Variants in NKAIN3 observed in about 807,000 individuals in gnomAD.
The protein encoded by NKAIN3 is sodium/potassium transporting ATPase interacting 3, also known as sodium/potassium-transporting ATPase subunit beta-1-interacting protein 3.
A neutral mutation model predicts 30.2 loss-of-function variants in NKAIN3; 25 were observed. That is an observed-to-expected ratio of 0.83 (90% CI 0.60 to 1.16). The LOEUF is 1.16. Among genes scored for constraint, NKAIN3 ranks in the 50% most tolerant of loss-of-function variants. The pLI is 0.00. For synonymous variants in NKAIN3, 91 were observed against 89.6 expected (o/e 1.02, Z -0.09); for missense variants, 225 against 254.1 (o/e 0.89, Z 0.78).
intron 3 of NKAIN3, among the ~76,000 whole-genome samples, chr8:62,740,952 C>A (rs1586149738): frequency 6.6e-6 from 1 of 151,250 alleles, no homozygotes; most frequent in South Asian, 2.1e-4. Context: ...TTATCAGGTG[C>A]TTTTTCTTTT....
chr8:62,655,712 G>A (rs188113072), intron 3 of NKAIN3, among the ~76,000 whole-genome samples: 1 of 152,192 alleles, frequency 6.6e-6, no homozygotes, highest in African/African-American at 2.4e-5. Context: ...TGCCCATTTT[G>A]GGCATCCAGT....
intron 4 of NKAIN3, among the ~76,000 whole-genome samples, chr8:62,851,252 CTGTT>C (rs1819887108): frequency 1.3e-5 from 2 of 152,096 alleles, no homozygotes; most frequent in South Asian, 2.1e-4. Context: ...ATTTGGCTCT[CTGTT>C]TGTCTGTTAT....
intron 1 of NKAIN3, among the ~76,000 whole-genome samples, chr8:62,331,278 G>A (rs1761496042): frequency 6.6e-6 from 1 of 151,362 alleles, no homozygotes; most frequent in South Asian, 2.1e-4. Context: ...ACTCCTACAT[G>A]TTAGGAGTTA....
rs1392701212 is a variant in NKAIN3 at position 62,972,876 on chromosome 8, C to G, written c.*7469C>G. Among the ~76,000 whole-genome samples, 4 of 150,716 alleles carry G rather than the reference C, an allele frequency of 2.7e-5. No individual in the cohort carries two copies. Among genetic ancestry groups the G allele is most frequent in the Admixed American group, 6.6e-5 (1 of 15,126 alleles). ...GTGTGTGATGTTCCCCTCCCTGTGC[C>G]CATATGTTCTCATTGTTCAACTCCC... On this transcript the variant is annotated 3_prime_UTR_variant, in exon 7 of 7. Coordinates refer to ENST00000623646, the MANE Select transcript of NKAIN3 (RefSeq NM_001304533.3).
intron 1 of NKAIN3, among the ~76,000 whole-genome samples, chr8:62,548,304 A>G (rs541137191): frequency 1.3e-5 from 2 of 152,386 alleles, no homozygotes; most frequent in African/African-American, 4.8e-5. Flanking sequence ...CATTTTACTG[A>G]ACAAGAGATA....
chr8:62,741,824 A>G (rs1323453597), intron 3 of NKAIN3, among the ~76,000 whole-genome samples: 1 of 152,122 alleles, frequency 6.6e-6, no homozygotes, highest in Non-Finnish European at 1.5e-5. Context: ...TCTCAGGCCC[A>G]GCTAAAAACT....
At chr8:62,960,186 A>C (rs1044972280) in intron 6 of NKAIN3, among the ~76,000 whole-genome samples, 2 of 152,218 alleles carry the variant, frequency 1.3e-5, no homozygotes, top group Non-Finnish European at 2.9e-5. Flanking sequence ...TTAGGACGGA[A>C]TGATGCCAAG....
intron 4 of NKAIN3, among the ~76,000 whole-genome samples, chr8:62,799,642 C>T (rs1168574464): frequency 6.6e-6 from 1 of 152,120 alleles, no homozygotes; most frequent in Non-Finnish European, 1.5e-5. Flanking sequence ...TGTGGAGATT[C>T]CTTAAAGAAC....
intron 1 of NKAIN3, among the ~76,000 whole-genome samples, chr8:62,382,073 G>A (rs1817296465): frequency 6.6e-6 from 1 of 152,030 alleles, no homozygotes; most frequent in African/African-American, 2.4e-5. Flanking sequence ...CTGACACCAT[G>A]CACAGTTGAA....
chr8:62,822,729 G>A (rs867817401), intron 4 of NKAIN3, among the ~76,000 whole-genome samples: 13 of 152,106 alleles, frequency 8.5e-5, no homozygotes, highest in Admixed American at 5.2e-4. Context: ...TCCTTTTGCC[G>A]AAGGTGTTTG....
At chr8:62,833,810 C>T (rs1453901044) in intron 4 of NKAIN3, among the ~76,000 whole-genome samples, 1 of 151,944 alleles carries the variant, frequency 6.6e-6, no homozygotes, top group Non-Finnish European at 1.5e-5. Flanking sequence ...AGGGACTCCT[C>T]CCTAACTCAT....
intron 1 of NKAIN3, among the ~76,000 whole-genome samples, chr8:62,255,466 A>G (rs1038214901): frequency 7.9e-5 from 12 of 152,086 alleles, no homozygotes; most frequent in Admixed American, 2.6e-4. Context: ...TGACACCTGG[A>G]TTTTGGATTT....
intron 4 of NKAIN3, chr8:62,863,639 T>C: frequency 1.6e-6 from 2 of 1,249,766 alleles, no homozygotes; most frequent in Admixed American, 1.7e-5. Flanking sequence ...TTTGTTTGGG[T>C]CACTGGGATA....
intron 3 of NKAIN3, among the ~76,000 whole-genome samples, chr8:62,619,280 C>G (rs1329723287): frequency 6.6e-6 from 1 of 152,114 alleles, no homozygotes; most frequent in African/African-American, 2.4e-5. Flanking sequence ...GAAAATGTGA[C>G]CAGCATTTAA....
intron 3 of NKAIN3, among the ~76,000 whole-genome samples, chr8:62,673,094 C>T (rs538152538): frequency 2.6e-5 from 4 of 152,090 alleles, no homozygotes; most frequent in African/African-American, 4.8e-5. Flanking sequence ...CAAGGTCCAA[C>T]GGTTAGTAAA....
chr8:62,556,792 A>G (rs953363533), intron 1 of NKAIN3, among the ~76,000 whole-genome samples: 11 of 151,972 alleles, frequency 7.2e-5, no homozygotes, highest in Non-Finnish European at 1.5e-4. Flanking sequence ...TAAAGCAAAA[A>G]TCTTAAGAGC....
intron 1 of NKAIN3, among the ~76,000 whole-genome samples, chr8:62,577,180 T>G (rs1222774190): frequency 1.3e-5 from 2 of 152,110 alleles, no homozygotes; most frequent in African/African-American, 2.4e-5. Context: ...TCATGACTTT[T>G]TATTTGTGCT....
At position 62,879,724 on chromosome 8, in the gene NKAIN3, G is replaced by C. The variant is rs116537276; in HGVS notation, c.472-38729G>C. Reference sequence around the variant, plus strand: ...ACCTAACAGAGGGACTGTTCCCCAGGAAGGTCAGCAGCCTTTCATGGGAGT... The same window carrying C: ...ACCTAACAGAGGGACTGTTCCCCAGCAAGGTCAGCAGCCTTTCATGGGAGT... On this transcript the variant is annotated intron_variant, in intron 4 of 6. Coordinates refer to ENST00000623646, the MANE Select transcript of NKAIN3 (RefSeq NM_001304533.3). Among the ~76,000 whole-genome samples, 714 of 152,276 alleles carry C rather than the reference G, an allele frequency of 4.7e-3. 7 individuals are homozygous for C. Among genetic ancestry groups the C allele is most frequent in the African/African-American group, 0.017 (689 of 41,548 alleles).
intron 4 of NKAIN3, among the ~76,000 whole-genome samples, chr8:62,797,302 T>C (rs1817892996): frequency 6.6e-6 from 1 of 152,200 alleles, no homozygotes; most frequent in Non-Finnish European, 1.5e-5. Context: ...TAACAAATGG[T>C]AGAAATCCAC....
Sources: gnomAD v4.1 joint callset for allele counts (sites outside exome capture counted in the v4.1 genomes callset) on GRCh38, gnomAD v4.1.1 for gene constraint, MANE v1.5 for transcripts, NCBI Gene and HGNC (gene_info 2026-07-23, HGNC 2026-07-21) for gene names.